Variants in AFAP1L2 observed in about 807,000 individuals in gnomAD.
AFAP1L2 encodes actin filament-associated protein 1-like 2.
A neutral mutation model predicts 99.3 loss-of-function variants in AFAP1L2; 46 were observed. The observed-to-expected ratio is 0.46, with a 90% CI of 0.37 to 0.59. The LOEUF (loss-of-function observed/expected upper bound fraction) is 0.59, where lower values mean the gene tolerates loss of function less well. Among genes scored for constraint, AFAP1L2 ranks in the 20% least tolerant of loss-of-function variants. AFAP1L2 has a pLI of 0.00. For synonymous variants in AFAP1L2, 397 were observed against 419.1 expected (o/e 0.95, Z 0.64); for missense variants, 959 against 1,034.9 (o/e 0.93, Z 1.01).
intron 1 of AFAP1L2, chr10:114,398,767 C>G: frequency 8.2e-7 from 1 of 1,215,978 alleles, no homozygotes; most frequent in Non-Finnish European, 1.1e-6. Flanking sequence ...CCACCCAGAG[C>G]ATGGGCAGAG....
the AFAP1L2 span, chr10:114,286,440 A>C: frequency 6.2e-7 from 1 of 1,612,872 alleles, no homozygotes; most frequent in Non-Finnish European, 8.5e-7. Context: ...GTGATGGTCT[A>C]CTCGGATCCT....
chr10:114,384,222 G>A (rs1227971276), intron 1 of AFAP1L2, among the ~76,000 whole-genome samples: 2 of 152,144 alleles, frequency 1.3e-5, no homozygotes, highest in Non-Finnish European at 2.9e-5. Flanking sequence ...GACCTTTCTT[G>A]GCAGCCACGA....
rs1344566008 is a variant in AFAP1L2, at chr10:114,373,437, C to CA, written c.16+31002dup. 5.9e-5 allele frequency among the ~76,000 whole-genome samples: 9 copies of CA among 152,004 alleles called. No homozygotes were observed. In the East Asian group the frequency reaches 1.5e-3, roughly 26 times the overall value. Reference sequence around the variant, plus strand: ...GGTCAGGTGTTCAAGACCAGCCTGGCAAAAAGGCGAAACCCTGTCTCTACT... The same window carrying CA: ...GGTCAGGTGTTCAAGACCAGCCTGGCAAAAAAGGCGAAACCCTGTCTCTACT... On this transcript the variant is annotated intron_variant, in intron 1 of 18. Transcript: ENST00000304129.
intron 5 of AFAP1L2, among the ~76,000 whole-genome samples, chr10:114,316,577 G>GCA (rs1269208062): frequency 1.3e-5 from 2 of 152,098 alleles, no homozygotes; most frequent in Non-Finnish European, 2.9e-5. Flanking sequence ...ACTCATCAGA[G>GCA]CACAAATCAT....
intron 1 of AFAP1L2, among the ~76,000 whole-genome samples, chr10:114,388,339 C>T (rs2056762213): frequency 6.6e-6 from 1 of 152,060 alleles, no homozygotes; most frequent in South Asian, 2.1e-4. Context: ...ACTGCCTGGG[C>T]CTGGTTCTCC....
At chr10:114,328,040 G>C (rs2046650731) in intron 4 of AFAP1L2, among the ~76,000 whole-genome samples, 1 of 152,242 alleles carries the variant, frequency 6.6e-6, no homozygotes, top group Admixed American at 6.5e-5. Flanking sequence ...ATGGGGTGGA[G>C]ATGGCCATGC....
In AFAP1L2 at chr10:114,295,000, A is replaced by G. The variant is rs1326294032; in HGVS notation, c.*1042T>C. 1.0e-6 allele frequency: 1 copy of G among 952,764 alleles called. No individual in the cohort carries two copies. Among genetic ancestry groups the G allele is most frequent in the East Asian group, 1.2e-4 (1 of 8,422 alleles). 59.0% of individuals were successfully genotyped at this position (952,764 alleles called of 1,614,324 possible). A position where few individuals can be genotyped will look rare whatever the true frequency, so the allele number is the denominator to read the frequency against. Reference sequence around the variant, plus strand: ...AAATGAGGCAGAGATAATAGATGAAATGTTTCAACCTGTGTTAAAAAAAAA... The same window carrying G: ...AAATGAGGCAGAGATAATAGATGAAGTGTTTCAACCTGTGTTAAAAAAAAA... On this transcript the variant is annotated 3_prime_UTR_variant, in exon 19 of 19. Coordinates refer to ENST00000304129, the MANE Select transcript of AFAP1L2 (RefSeq NM_001001936.3).
At chr10:114,340,338 A>G (rs2135900481) in intron 2 of AFAP1L2, among the ~76,000 whole-genome samples, 1 of 152,268 alleles carries the variant, frequency 6.6e-6, no homozygotes, top group East Asian at 1.9e-4. Context: ...TAATTAAAAG[A>G]AGAGGTGACT....
intron 1 of AFAP1L2, among the ~76,000 whole-genome samples, chr10:114,349,992 C>T (rs914395191): frequency 1.6e-4 from 24 of 152,124 alleles, no homozygotes; most frequent in African/African-American, 5.6e-4. Context: ...CCAGATTAGC[C>T]GTTGAAACTG....
chr10:114,402,839 C>A (rs1034727808), intron 1 of AFAP1L2, among the ~76,000 whole-genome samples: 2 of 152,192 alleles, frequency 1.3e-5, no homozygotes, highest in Non-Finnish European at 2.9e-5. Context: ...CTACAACTAA[C>A]ACCACCCCCA....
chr10:114,346,071 A>T (rs1166450310), intron 1 of AFAP1L2, among the ~76,000 whole-genome samples: 1 of 152,102 alleles, frequency 6.6e-6, no homozygotes, highest in Admixed American at 6.5e-5. Flanking sequence ...TGCTGAGGAC[A>T]ATGTCGAGAC....
At chr10:114,323,305 A>G (rs2045685330) in intron 4 of AFAP1L2, 44 bp from the exon 5 acceptor site, 4 of 1,501,394 alleles carry the variant, frequency 2.7e-6, no homozygotes, top group Non-Finnish European at 3.6e-6. Flanking sequence ...GATATGGTAC[A>G]CTGGGAGCAA....
chr10:114,282,404 T>A, the AFAP1L2 span: 1 of 842,250 alleles, frequency 1.2e-6, no homozygotes, highest in Non-Finnish European at 2.0e-6. Flanking sequence ...AAGTCTTTCT[T>A]ACTTCTGCAT....
chr10:114,295,969 T>G lies in AFAP1L2; in HGVS notation c.*73A>C. On this transcript the variant is annotated 3_prime_UTR_variant, in exon 19 of 19. Coordinates refer to ENST00000304129, the MANE Select transcript of AFAP1L2 (RefSeq NM_001001936.3). ...TAAACAGACTCACCCTTTCGCATAG[T>G]TTTTGCTTTAACAAAGCAGGATTGT... 1 of 1,612,854 alleles carries G rather than the reference T, an allele frequency of 6.2e-7. No individual in the cohort carries two copies. The highest frequency in any genetic ancestry group is 8.5e-7 in the Non-Finnish European group (1 of 1,179,154).
intron 1 of AFAP1L2, among the ~76,000 whole-genome samples, chr10:114,365,309 A>C (rs1161257842): frequency 5.3e-5 from 8 of 152,190 alleles, no homozygotes; most frequent in Non-Finnish European, 1.2e-4. Flanking sequence ...CAGGGAGTCT[A>C]GTTGGTACTG....
At chr10:114,324,615 G>C (rs895309243) in intron 4 of AFAP1L2, among the ~76,000 whole-genome samples, 1 of 152,254 alleles carries the variant, frequency 6.6e-6, no homozygotes, top group Non-Finnish European at 1.5e-5. Flanking sequence ...AAGTGGCAGA[G>C]CTCGAAATGT....
chr10:114,301,638 C>T (rs930193477), intron 12 of AFAP1L2, 173 bp from the exon 13 acceptor site: 2 of 584,772 alleles, frequency 3.4e-6, no homozygotes, highest in African/African-American at 3.7e-5. Flanking sequence ...CCTCTTTTCC[C>T]AGTGCCTTCT....
intron 1 of AFAP1L2, among the ~76,000 whole-genome samples, chr10:114,353,768 G>A (rs1373829511): frequency 6.6e-6 from 1 of 152,188 alleles, no homozygotes; most frequent in East Asian, 1.9e-4. Flanking sequence ...GGGATATAAT[G>A]TCACCAAGTC....
intron 5 of AFAP1L2, among the ~76,000 whole-genome samples, chr10:114,320,908 C>A (rs949383593): frequency 2.6e-5 from 4 of 152,216 alleles, no homozygotes; most frequent in Non-Finnish European, 4.4e-5. Flanking sequence ...TCTGAAATCA[C>A]AGCCCGACTG....
Sources: allele counts gnomAD v4.1 joint callset (sites outside exome capture counted in the v4.1 genomes callset), GRCh38; gene constraint gnomAD v4.1.1; transcripts MANE v1.5; gene names NCBI Gene and HGNC (gene_info 2026-07-23, HGNC 2026-07-21).